Variants in CADM2 observed in about 807,000 individuals in gnomAD.
The protein encoded by CADM2 is immunoglobulin superfamily member 4D.
Under a neutral mutation model 49.8 loss-of-function variants are expected in CADM2, and 12 were observed. The observed-to-expected ratio is 0.24, with a 90% CI of 0.15 to 0.39. The LOEUF is 0.39. CADM2 is among the 10% of genes least tolerant of loss of function. CADM2 has a pLI of 1.00. For synonymous variants in CADM2, 214 were observed against 175.4 expected (o/e 1.22, Z -1.74); for missense variants, 378 against 492.3 (o/e 0.77, Z 2.20).
At chr3:86,047,980 T>C (rs1050081262) in intron 8 of CADM2, among the ~76,000 whole-genome samples, 1 of 152,114 alleles carries the variant, frequency 6.6e-6, no homozygotes, top group South Asian at 2.1e-4. Flanking sequence ...ATGTTGAATG[T>C]TTACATTCTA....
chr3:85,124,839 A>G (rs771481961), intron 1 of CADM2, among the ~76,000 whole-genome samples: 6 of 152,190 alleles, frequency 3.9e-5, no homozygotes, highest in Non-Finnish European at 8.8e-5. Context: ...TAAACACTGT[A>G]CCAAAGTTGA....
chr3:85,861,427 T>C (rs57559064), intron 3 of CADM2, among the ~76,000 whole-genome samples: 7,744 of 152,008 alleles, frequency 0.051, 556 homozygotes, highest in African/African-American at 0.16. Flanking sequence ...AAGGATGAAG[T>C]TGACATAAAA....
intron 1 of CADM2, among the ~76,000 whole-genome samples, chr3:85,708,243 T>C (rs1197361961): frequency 6.6e-6 from 1 of 152,214 alleles, no homozygotes; most frequent in African/African-American, 2.4e-5. Context: ...TGACATTTCA[T>C]TGTGAAAGTA....
intron 1 of CADM2, among the ~76,000 whole-genome samples, chr3:85,698,758 G>C (rs1417774551): frequency 2.0e-5 from 3 of 152,058 alleles, no homozygotes; most frequent in Non-Finnish European, 2.9e-5. Flanking sequence ...ATGAGATTTG[G>C]GTGTGGACAC....
At chr3:85,892,512 A>G (rs146330380) in intron 5 of CADM2, among the ~76,000 whole-genome samples, 98 of 152,194 alleles carry the variant, frequency 6.4e-4, no homozygotes, top group African/African-American at 2.3e-3. Flanking sequence ...CTGTTCCCAT[A>G]ATAGTGAATA....
chr3:85,245,264 G>A (rs2042619173), intron 1 of CADM2, among the ~76,000 whole-genome samples: 1 of 152,152 alleles, frequency 6.6e-6, no homozygotes, highest in Admixed American at 6.5e-5. Context: ...TGTAATCCCA[G>A]CACTTTGGGA....
At chr3:85,133,064 T>C (rs1244564229) in intron 1 of CADM2, among the ~76,000 whole-genome samples, 3 of 152,128 alleles carry the variant, frequency 2.0e-5, no homozygotes, top group Non-Finnish European at 4.4e-5. Context: ...GCGGCGAGTC[T>C]AGAGTTGTTC....
chr3:85,525,580 T>A (rs2061142663), intron 1 of CADM2, among the ~76,000 whole-genome samples: 1 of 152,192 alleles, frequency 6.6e-6, no homozygotes, highest in Non-Finnish European at 1.5e-5. Context: ...AGTTAGGTCC[T>A]GATTTTTATC....
chr3:86,002,047 G>C (rs1730250264), intron 8 of CADM2, among the ~76,000 whole-genome samples: 1 of 152,070 alleles, frequency 6.6e-6, no homozygotes, highest in Non-Finnish European at 1.5e-5. Context: ...CCACCAAGGA[G>C]AGGATGAATA....
rs1739519981 is a variant in CADM2, at chr3:86,068,100, G to A, written c.*1317G>A. The A allele has an allele frequency of 6.6e-6, 1 of 152,356 alleles. No homozygotes were observed. Among genetic ancestry groups the A allele is most frequent in the Admixed American group, 6.6e-5 (1 of 15,242 alleles). The allele number at this position is 152,356 out of a possible 1,614,324, so 9.4% of individuals were successfully genotyped here. A position where few individuals can be genotyped will look rare whatever the true frequency, so the allele number is the denominator to read the frequency against. On this transcript the variant is annotated 3_prime_UTR_variant, in exon 10 of 10. Coordinates refer to ENST00000383699, the MANE Select transcript of CADM2 (RefSeq NM_001167675.2). ...TTTAAGATATGTTTTCTGTATAAAT[G>A]AACTAATTCTTTATATTAAATTCCT... is the stretch of plus-strand genomic sequence containing the variant.
rs1477440975 is a variant in CADM2, at chr3:85,322,273, GT to G, written c.61+362606del. Among the ~76,000 whole-genome samples the G allele has an allele frequency of 2.0e-5, 3 of 152,270 alleles. No homozygotes were observed. The South Asian group carries it at 6.2e-4, about 32-fold the overall frequency. ...TAATTCTTGTTGTTATCTGTTTACGGTAGCATGTCCTATTCTATTTTCCTCA... is the reference window on the plus strand; with the variant it reads ...TAATTCTTGTTGTTATCTGTTTACGGAGCATGTCCTATTCTATTTTCCTCA... On this transcript the variant is annotated intron_variant, in intron 1 of 9. Coordinates refer to ENST00000383699, the MANE Select transcript of CADM2 (RefSeq NM_001167675.2).
rs116498060 is a variant in CADM2, at chr3:85,650,164, C to T, written c.62-76358C>T. 3.3e-3 allele frequency among the ~76,000 whole-genome samples: 500 copies of T among 152,168 alleles called. 4 individuals are homozygous for T. The highest frequency in any genetic ancestry group is 0.011 in the African/African-American group (471 of 41,510). Reference sequence around the variant, plus strand: ...TATGGGAGAGGGCTACGTTCTCAGCCGGCAGCTCTTCTTCGCCAAGCCACA... The same window carrying T: ...TATGGGAGAGGGCTACGTTCTCAGCTGGCAGCTCTTCTTCGCCAAGCCACA... On this transcript the variant is annotated intron_variant, in intron 1 of 9. Coordinates refer to ENST00000383699, the MANE Select transcript of CADM2 (RefSeq NM_001167675.2).
chr3:85,291,161 T>C (rs1198757568), intron 1 of CADM2, among the ~76,000 whole-genome samples: 1 of 152,130 alleles, frequency 6.6e-6, no homozygotes, highest in Non-Finnish European at 1.5e-5. Flanking sequence ...CAGGAGCCGA[T>C]GCGATCAACT....
intron 1 of CADM2, among the ~76,000 whole-genome samples, chr3:85,724,057 A>T (rs1451392605): frequency 1.3e-5 from 2 of 152,056 alleles, no homozygotes; most frequent in African/African-American, 4.8e-5. Context: ...TAAATAAAAA[A>T]GGAAAATAAT....
intron 1 of CADM2, among the ~76,000 whole-genome samples, chr3:85,643,120 TTTC>T (rs1345828127): frequency 6.6e-6 from 1 of 152,140 alleles, no homozygotes; most frequent in East Asian, 1.9e-4. Context: ...TTGGCAGATA[TTTC>T]TTCTGCAAGC....
At chr3:85,074,964 G>C (rs12490702) in intron 1 of CADM2, among the ~76,000 whole-genome samples, 1 of 151,348 alleles carries the variant, frequency 6.6e-6, no homozygotes, top group Non-Finnish European at 1.5e-5. Flanking sequence ...CAATCCACTA[G>C]GAGCAAGATG....
intron 1 of CADM2, among the ~76,000 whole-genome samples, chr3:85,408,109 G>T (rs1189483029): frequency 6.7e-6 from 1 of 150,246 alleles, no homozygotes; most frequent in African/African-American, 2.4e-5. Flanking sequence ...GTGTGAAACT[G>T]AAATATTGAA....
intron 3 of CADM2, among the ~76,000 whole-genome samples, chr3:85,806,850 C>T (rs1577355341): frequency 6.6e-6 from 1 of 152,266 alleles, no homozygotes; most frequent in Middle Eastern, 3.4e-3. Flanking sequence ...GAATCTAATA[C>T]TGTCATATTT....
intron 1 of CADM2, among the ~76,000 whole-genome samples, chr3:85,402,116 A>T (rs533285828): frequency 2.8e-4 from 43 of 152,230 alleles, no homozygotes; most frequent in Non-Finnish European, 5.4e-4. Context: ...CATTTAAATA[A>T]AAGTTTCATT....
Sources: gnomAD v4.1 joint callset for allele counts (sites outside exome capture counted in the v4.1 genomes callset) on GRCh38, gnomAD v4.1.1 for gene constraint, MANE v1.5 for transcripts, NCBI Gene and HGNC (gene_info 2026-07-23, HGNC 2026-07-21) for gene names.